The following SEPTIN9 variants were observed in gnomAD, a reference collection of about 807,000 sequenced individuals.
The protein encoded by SEPTIN9 is septin-9.
Under a neutral mutation model 56.6 loss-of-function variants are expected in SEPTIN9, and 13 were observed. That is an observed-to-expected ratio of 0.23 (90% CI 0.15 to 0.37). The LOEUF is 0.37. Among genes scored for constraint, SEPTIN9 ranks in the 10% least tolerant of loss-of-function variants. The pLI is 1.00. For missense variants in SEPTIN9, 650 were observed against 823.1 expected, an observed-to-expected ratio of 0.79 and a Z score of 2.57; for synonymous variants, 332 against 334.1, an observed-to-expected ratio of 0.99 and a Z score of 0.07.
In SEPTIN9 at chr17:77,497,263, G is replaced by A. The variant is rs938364019; in HGVS notation, c.1574-52G>A. 7.0e-5 allele frequency: 109 copies of A among 1,559,490 alleles called. No individual in the cohort carries two copies. In the Admixed American group the frequency reaches 1.2e-3, roughly 17 times the overall value. ...GGGCAGGGGGAGAGAGGTGGGGTCC[G>A]GGCAGAGTTTCTCCACTGGGACATT... On this transcript the variant is annotated intron_variant, in intron 10 of 11. Coordinates refer to ENST00000427177, the MANE Select transcript of SEPTIN9 (RefSeq NM_001113491.2).
intron 2 of SEPTIN9, among the ~76,000 whole-genome samples, chr17:77,388,938 G>A (rs1366838967): frequency 1.3e-5 from 2 of 150,234 alleles, no homozygotes; most frequent in Non-Finnish European, 2.9e-5. Context: ...GTCACCGCCT[G>A]TGTGTGCAGT....
At chr17:77,430,761 C>T (rs919998047) in intron 3 of SEPTIN9, among the ~76,000 whole-genome samples, 12 of 151,852 alleles carry the variant, frequency 7.9e-5, no homozygotes, top group South Asian at 4.2e-4. Context: ...GAGGCCAAGG[C>T]GGGTGAATCC....
At chr17:77,334,766 A>G (rs1277706097) in intron 2 of SEPTIN9, among the ~76,000 whole-genome samples, 1 of 152,022 alleles carries the variant, frequency 6.6e-6, no homozygotes. Context: ...TTAACCTATT[A>G]TAGCCGTCAG....
chr17:77,475,337 G>T lies in SEPTIN9; in HGVS notation c.722-6807G>T. ...CTGGTTGCGAGGCAGGGCTTCCCCA[G>T]GATTCAGCAGGGATCTGAAGGACTT... is the stretch of plus-strand genomic sequence containing the variant. On this transcript the variant is annotated intron_variant, in intron 3 of 11. Coordinates refer to ENST00000427177, the MANE Select transcript of SEPTIN9 (RefSeq NM_001113491.2). The surrounding 1 kb of genome is among the most constrained non-coding windows in gnomAD (Gnocchi z 4.6). 7.0e-7 allele frequency: 1 copy of T among 1,429,868 alleles called. No homozygotes were observed. Among genetic ancestry groups the T allele is most frequent in the Admixed American group, 2.9e-5 (1 of 34,740 alleles). 88.6% of individuals were successfully genotyped at this position (1,429,868 alleles called of 1,614,324 possible). A position where few individuals can be genotyped will look rare whatever the true frequency, so the allele number is the denominator to read the frequency against.
At chr17:77,308,782 G>A (rs2032367518) in intron 2 of SEPTIN9, among the ~76,000 whole-genome samples, 1 of 152,162 alleles carries the variant, frequency 6.6e-6, no homozygotes, top group Admixed American at 6.5e-5. Context: ...CAGTGCCCGT[G>A]GACTGTGCAC....
rs1356291594 is a variant in SEPTIN9, at chr17:77,449,449, C to T, written c.722-32695C>T. Among the ~76,000 whole-genome samples the T allele has an allele frequency of 3.9e-5, 6 of 152,094 alleles. No individual in the cohort carries two copies. The South Asian group carries it at 8.3e-4, about 21-fold the overall frequency. ...GGAGGAGGCTGGGCTTGGAGGAGAG[C>T]AGGGTCTTGGGCCCTGGGAAAAGCC... On this transcript the variant is annotated intron_variant, in intron 3 of 11. Transcript: ENST00000427177. This position sits in a 1 kb window ranked among gnomAD's most constrained non-coding sequence, Gnocchi z 4.6.
intron 2 of SEPTIN9, among the ~76,000 whole-genome samples, chr17:77,365,257 A>G (rs2034537997): frequency 6.6e-6 from 1 of 152,036 alleles, no homozygotes; most frequent in Non-Finnish European, 1.5e-5. Context: ...CTGCAGATGT[A>G]TTTTGCTCCC....
Position 77,451,328 on chromosome 17 carries a change from C to T in SEPTIN9, c.722-30816C>T. 1.0e-6 allele frequency: 1 copy of T among 981,632 alleles called. No homozygotes were observed. The allele number at this position is 981,632 out of a possible 1,614,324, so 60.8% of individuals were successfully genotyped here. On this transcript the variant is annotated intron_variant, in intron 3 of 11. Coordinates refer to ENST00000427177, the MANE Select transcript of SEPTIN9 (RefSeq NM_001113491.2). The surrounding 1 kb of genome is among the most constrained non-coding windows in gnomAD (Gnocchi z 4.2). Reference sequence around the variant, plus strand: ...CCCTCCTCCTGCTCCCCTCGCCCTGCCCCCTTGGAGCAATTCCCCACCGAG... The same window carrying T: ...CCCTCCTCCTGCTCCCCTCGCCCTGTCCCCTTGGAGCAATTCCCCACCGAG...
rs1413857362 is a variant in SEPTIN9 at position 77,492,889 on chromosome 17, C to T, written c.1477-91C>T. On this transcript the variant is annotated intron_variant, in intron 9 of 11. Transcript: ENST00000427177. This position sits in a 1 kb window ranked among gnomAD's most constrained non-coding sequence, Gnocchi z 5.4. ...GGCTGAGGCTCTCGTTTTTGGGGGACCCCAGGCTCAGGGCAGCTCCTCCCG... is the reference window on the plus strand; with the variant it reads ...GGCTGAGGCTCTCGTTTTTGGGGGATCCCAGGCTCAGGGCAGCTCCTCCCG... The T allele has an allele frequency of 1.5e-6, 2 of 1,329,738 alleles. No homozygotes were observed. Among genetic ancestry groups the T allele is most frequent in the Non-Finnish European group, 2.1e-6 (2 of 940,180 alleles). 82.4% of individuals were successfully genotyped at this position (1,329,738 alleles called of 1,614,324 possible).
chr17:77,445,569 C>G lies in SEPTIN9; in HGVS notation c.722-36575C>G. The G allele has an allele frequency of 2.6e-6, 1 of 378,888 alleles. No individual in the cohort carries two copies. Among genetic ancestry groups the G allele is most frequent in the Non-Finnish European group, 5.5e-6 (1 of 181,706 alleles). The allele number at this position is 378,888 out of a possible 1,614,324, so 23.5% of individuals were successfully genotyped here. On this transcript the variant is annotated intron_variant, in intron 3 of 11. Coordinates refer to ENST00000427177, the MANE Select transcript of SEPTIN9 (RefSeq NM_001113491.2). This position sits in a 1 kb window ranked among gnomAD's most constrained non-coding sequence, Gnocchi z 4.7. ...GCGTGCTGGGTGGGTAGGGAGGAAG[C>G]TGTGAAACCACATCCCCTCCTCTCT...
In SEPTIN9 at chr17:77,402,702, G is replaced by A. The variant is rs1439344068; in HGVS notation, c.720G>A (p.Glu240=). Residue 240 remains glutamate (E), a splice_region_variant and synonymous_variant, in exon 3 of 12, where the codon GAG becomes GAA. Transcript: ENST00000427177. The surrounding 1 kb of genome is among the most constrained non-coding windows in gnomAD (Gnocchi z 6.6). ...CTGAGGCTACACCCCGGAGCCAGGAGGGTGAGTCGCAGAGCGCTAGGTCTT... is the reference window on the plus strand; with the variant it reads ...CTGAGGCTACACCCCGGAGCCAGGAAGGTGAGTCGCAGAGCGCTAGGTCTT... The part of the protein sequence containing the change: ...PVAEATPRSQ[E]ATEAAPSCVG... The A allele has an allele frequency of 1.3e-6, 2 of 1,581,298 alleles. No individual in the cohort carries two copies. The highest frequency in any genetic ancestry group is 1.7e-6 in the Non-Finnish European group (2 of 1,164,740).
At chr17:77,455,016 G>T (rs1038825542) in intron 3 of SEPTIN9, among the ~76,000 whole-genome samples, 1 of 152,048 alleles carries the variant, frequency 6.6e-6, no homozygotes, top group African/African-American at 2.4e-5. Context: ...CCTCCCCCTG[G>T]CCGGCCGGCC....
At chr17:77,342,417 C>CT (rs1453325233) in intron 2 of SEPTIN9, among the ~76,000 whole-genome samples, 1 of 152,176 alleles carries the variant, frequency 6.6e-6, no homozygotes, top group Non-Finnish European at 1.5e-5. Flanking sequence ...AGCAGCCTGG[C>CT]TAGGAGGTTA....
chr17:77,320,335 G>A (rs2032865296), intron 2 of SEPTIN9: 2 of 1,613,102 alleles, frequency 1.2e-6, no homozygotes, highest in East Asian at 4.5e-5. Flanking sequence ...GAATGGAGAG[G>A]GACCGGATCT....
intron 3 of SEPTIN9, among the ~76,000 whole-genome samples, chr17:77,442,676 C>T (rs1309987957): frequency 6.6e-6 from 1 of 151,524 alleles, no homozygotes; most frequent in Non-Finnish European, 1.5e-5. Context: ...AATTCAAGAC[C>T]AGCCTGGCCA....
chr17:77,301,182 A>T (rs2032036986), intron 1 of SEPTIN9, among the ~76,000 whole-genome samples: 1 of 152,000 alleles, frequency 6.6e-6, no homozygotes, highest in Admixed American at 6.6e-5. Flanking sequence ...GGTCTCCATG[A>T]CCCACCTTTC....
intron 2 of SEPTIN9, among the ~76,000 whole-genome samples, chr17:77,325,816 A>G (rs1561104): frequency 0.86 from 130,129 of 152,086 alleles, 56,116 homozygotes; most frequent in East Asian, 1. Flanking sequence ...ATCTGGACAC[A>G]AGTCTCCATC....
At chr17:77,452,371 G>A (rs556005901) in intron 3 of SEPTIN9, among the ~76,000 whole-genome samples, 2 of 152,340 alleles carry the variant, frequency 1.3e-5, no homozygotes, top group East Asian at 3.9e-4. Context: ...AATGCCATCT[G>A]CTCCTGAAAC....
rs997020324 is a variant in SEPTIN9 at position 77,434,494 on chromosome 17, T to C, written c.721+31791T>C. Among the ~76,000 whole-genome samples, 1 of 152,138 alleles carries C rather than the reference T, an allele frequency of 6.6e-6. No homozygotes were observed. Among genetic ancestry groups the C allele is most frequent in the Non-Finnish European group, 1.5e-5 (1 of 68,024 alleles). On this transcript the variant is annotated intron_variant, in intron 3 of 11. Coordinates refer to ENST00000427177, the MANE Select transcript of SEPTIN9 (RefSeq NM_001113491.2). The surrounding 1 kb of genome is among the most constrained non-coding windows in gnomAD (Gnocchi z 5.0). ...GTACTGCCTCTGAGTCTGCAGCCTGTTTTCCTTACCAGGTGGCTAAGCAGG... is the reference window on the plus strand; with the variant it reads ...GTACTGCCTCTGAGTCTGCAGCCTGCTTTCCTTACCAGGTGGCTAAGCAGG...
Sources: allele counts gnomAD v4.1 joint callset (sites outside exome capture counted in the v4.1 genomes callset), GRCh38; gene constraint gnomAD v4.1.1; non-coding constraint Gnocchi (gnomAD v3.1); transcripts MANE v1.5; gene names NCBI Gene and HGNC (gene_info 2026-07-23, HGNC 2026-07-21).